The following LMBR1 variants were observed in gnomAD, a reference collection of about 807,000 sequenced individuals.
LMBR1 encodes limb region 1 protein homolog.
In LMBR1, 52 loss-of-function variants were observed where a neutral mutation model predicts 73.9. That is an observed-to-expected ratio of 0.70 (90% CI 0.56 to 0.89). The LOEUF (loss-of-function observed/expected upper bound fraction) is 0.89, where lower values mean the gene tolerates loss of function less well. LMBR1 is among the 40% of genes least tolerant of loss of function. The pLI, the probability that LMBR1 is intolerant of heterozygous loss-of-function variation, is 0.00. For missense variants in LMBR1, 539 were observed against 579.8 expected, an observed-to-expected ratio of 0.93 and a Z score of 0.72; for synonymous variants, 215 against 209.4, an observed-to-expected ratio of 1.03 and a Z score of -0.23.
chr7:156,695,910 C>G (rs1378121477), intron 15 of LMBR1, among the ~76,000 whole-genome samples: 2 of 148,344 alleles, frequency 1.3e-5, no homozygotes, highest in Non-Finnish European at 3.0e-5. Context: ...CACATTCACA[C>G]ATATGTGGAC....
At chr7:156,883,726 C>T (rs1021883836) in intron 1 of LMBR1, among the ~76,000 whole-genome samples, 1 of 152,174 alleles carries the variant, frequency 6.6e-6, no homozygotes, top group Non-Finnish European at 1.5e-5. Flanking sequence ...AGGCCGCCCA[C>T]ACTCCTTGGC....
At chr7:156,798,668 A>G (rs1830436211) in intron 4 of LMBR1, among the ~76,000 whole-genome samples, 1 of 152,170 alleles carries the variant, frequency 6.6e-6, no homozygotes, top group Non-Finnish European at 1.5e-5. Context: ...TATGTGGGGT[A>G]TAACAATAAT....
intron 2 of LMBR1, among the ~76,000 whole-genome samples, chr7:156,835,273 G>T (rs1354546073): frequency 6.6e-6 from 1 of 152,116 alleles, no homozygotes; most frequent in African/African-American, 2.4e-5. Flanking sequence ...GGTGTATTTG[G>T]GCCATTCTGT....
At chr7:156,725,249 C>A (rs1448925955) in intron 14 of LMBR1, among the ~76,000 whole-genome samples, 186 bp downstream of exon 14, 2 of 152,128 alleles carry the variant, frequency 1.3e-5, no homozygotes, top group Non-Finnish European at 2.9e-5. Flanking sequence ...TGGACGCCAT[C>A]CAAATTAAAC....
chr7:156,889,827 A>G (rs1407306466), intron 1 of LMBR1, among the ~76,000 whole-genome samples: 1 of 152,160 alleles, frequency 6.6e-6, no homozygotes. Flanking sequence ...CACCTCTACA[A>G]AAAATTAAAA....
At chr7:156,892,103 T>A (rs1803109796) in intron 1 of LMBR1, among the ~76,000 whole-genome samples, 1 of 152,216 alleles carries the variant, frequency 6.6e-6, no homozygotes, top group South Asian at 2.1e-4. Context: ...AAGTAGACTT[T>A]CCAAGGTCAA....
chr7:156,859,570 TA>T (rs201390398), intron 1 of LMBR1, among the ~76,000 whole-genome samples: 52,972 of 146,474 alleles, frequency 0.36, 9,514 homozygotes, highest in East Asian at 0.57. Context: ...GAATTTGAAA[TA>T]AAAAAAAAAA....
chr7:156,801,808 A>G (rs144103348), intron 4 of LMBR1, among the ~76,000 whole-genome samples: 4,841 of 152,266 alleles, frequency 0.032, 122 homozygotes, highest in South Asian at 0.085. Context: ...CTGGGATTAC[A>G]GATGTGAGCC....
intron 15 of LMBR1, among the ~76,000 whole-genome samples, chr7:156,701,350 G>A (rs1178850715): frequency 3.9e-5 from 6 of 152,134 alleles, no homozygotes; most frequent in Non-Finnish European, 8.8e-5. Flanking sequence ...ACATACAAGA[G>A]AGTACTATTC....
rs1187185793 is a variant in LMBR1 at position 156,681,566 on chromosome 7, A to G, written c.*2512T>C. 1.3e-5 allele frequency: 2 copies of G among 153,340 alleles called. No homozygotes were observed. Among genetic ancestry groups the G allele is most frequent in the African/African-American group, 4.8e-5 (2 of 41,478 alleles). The allele number at this position is 153,340 out of a possible 1,614,324, so 9.5% of individuals were successfully genotyped here. On this transcript the variant is annotated 3_prime_UTR_variant, in exon 17 of 17. Transcript: ENST00000353442. ...TTAAGTATTGCAGAACCAATTAATA[A>G]GAATCTGCAAGTTTTCCCCAAGAAA...
At chr7:156,768,188 C>G (rs1204400195) in intron 5 of LMBR1, among the ~76,000 whole-genome samples, 1 of 151,912 alleles carries the variant, frequency 6.6e-6, no homozygotes, top group East Asian at 1.9e-4. Flanking sequence ...GAGTTCAAGA[C>G]CAGCATGGTG....
intron 1 of LMBR1, chr7:156,872,213 T>C (rs60424329): frequency 6.6e-6 from 1 of 151,784 alleles, no homozygotes; most frequent in African/African-American, 2.4e-5. Context: ...ACAGTCTCCA[T>C]GGAGACTGAA....
rs547411198 is a variant in LMBR1, at chr7:156,748,614, G to A, written c.757+7779C>T. Among the ~76,000 whole-genome samples, 12 of 151,930 alleles carry A rather than the reference G, an allele frequency of 7.9e-5. No homozygotes were observed. The East Asian group carries it at 1.4e-3, about 17-fold the overall frequency. On this transcript the variant is annotated intron_variant, in intron 9 of 16. Transcript: ENST00000353442. ...AGTGATTCTCCTGCCTCAGCCTCCC[G>A]AGTAGCTGGGATTACATGCGCATGC...
chr7:156,883,677 T>C (rs1055994119), intron 1 of LMBR1, among the ~76,000 whole-genome samples: 1 of 152,168 alleles, frequency 6.6e-6, no homozygotes, highest in Non-Finnish European at 1.5e-5. Flanking sequence ...CTGGAGACTC[T>C]AGGAAAGAAT....
At chr7:156,715,246 C>T (rs1330834066) in intron 15 of LMBR1, among the ~76,000 whole-genome samples, 3 of 151,776 alleles carry the variant, frequency 2.0e-5, no homozygotes, top group Admixed American at 6.6e-5. Context: ...GCCACCACAC[C>T]CAGCCAAAAA....
chr7:156,672,206 A>G (rs1416506652), intron 4 of LMBR1, among the ~76,000 whole-genome samples: 3 of 152,214 alleles, frequency 2.0e-5, no homozygotes, highest in Non-Finnish European at 4.4e-5. Flanking sequence ...TATATATGCA[A>G]AACTGACAAG....
chr7:156,761,986 A>AAAAAAAAAAC, intron 8 of LMBR1, 148 bp downstream of exon 8: 1 of 578,166 alleles, frequency 1.7e-6, no homozygotes, highest in Non-Finnish European at 3.1e-6. Flanking sequence ...CAAAAAAAAA[A>AAAAAAAAAAC]AAAAAACTTA....
intron 1 of LMBR1, among the ~76,000 whole-genome samples, chr7:156,866,968 T>C (rs1798561333): frequency 6.6e-6 from 1 of 152,168 alleles, no homozygotes; most frequent in Non-Finnish European, 1.5e-5. Context: ...GAGACCTTCG[T>C]CATGACCTCC....
Position 156,725,430 on chromosome 7 carries a change from C to A in LMBR1, c.1158+5G>T. 2.5e-6 allele frequency: 4 copies of A among 1,581,556 alleles called. No individual in the cohort carries two copies. Among genetic ancestry groups the A allele is most frequent in the Non-Finnish European group, 3.5e-6 (4 of 1,157,022 alleles). On this transcript the variant is annotated splice_donor_5th_base_variant and intron_variant, in intron 14 of 16. Transcript: ENST00000353442. ...AGGCCACAGTCACCTAAGATTCTACCTTACCTTTGTCATAGTTGTGTCATC... is the reference window on the plus strand; with the variant it reads ...AGGCCACAGTCACCTAAGATTCTACATTACCTTTGTCATAGTTGTGTCATC...
Sources: allele counts gnomAD v4.1 joint callset (sites outside exome capture counted in the v4.1 genomes callset), GRCh38; gene constraint gnomAD v4.1.1; transcripts MANE v1.5; gene names NCBI Gene and HGNC (gene_info 2026-07-23, HGNC 2026-07-21).